The following BST1 variants were observed in gnomAD, a reference collection of about 807,000 sequenced individuals.
BST1 encodes the protein ADP-ribosyl cyclase/cyclic ADP-ribose hydrolase 2.
A neutral mutation model predicts 40.6 loss-of-function variants in BST1; 49 were observed. The ratio of observed to expected loss-of-function variants is 1.21; its 90% CI spans 0.96 to 1.53. The LOEUF (loss-of-function observed/expected upper bound fraction) is 1.53, where lower values mean the gene tolerates loss of function less well. BST1 is among the 40% of genes most tolerant of loss of function. The pLI, the probability that BST1 is intolerant of heterozygous loss-of-function variation, is 0.00. For missense variants in BST1, 423 were observed against 395.9 expected, an observed-to-expected ratio of 1.07 and a Z score of -0.58; for synonymous variants, 157 against 159.3, an observed-to-expected ratio of 0.99 and a Z score of 0.11.
the BST1 span, among the ~76,000 whole-genome samples, chr4:15,766,750 G>C: frequency 7.1e-6 from 1 of 140,924 alleles, no homozygotes; most frequent in African/African-American, 2.7e-5. Flanking sequence ...CCTGACTTGA[G>C]GAGGCACAAA....
chr4:15,741,363 T>C (rs6852450), downstream of BST1, among the ~76,000 whole-genome samples: 72,813 of 151,906 alleles, frequency 0.48, 18,911 homozygotes, highest in Middle Eastern at 0.64. Context: ...ATTATAGAAG[T>C]GCTTCCTGAT....
the BST1 span, among the ~76,000 whole-genome samples, chr4:15,764,594 T>C: frequency 6.6e-6 from 1 of 152,002 alleles, no homozygotes. Flanking sequence ...TGTGCTATGA[T>C]GGGCTTAATT....
downstream of BST1, among the ~76,000 whole-genome samples, chr4:15,739,806 G>A (rs1050364712): frequency 1.4e-4 from 22 of 152,086 alleles, no homozygotes; most frequent in African/African-American, 5.3e-4. Context: ...AATATAATCA[G>A]AGTGAAGTCA....
the BST1 span, among the ~76,000 whole-genome samples, chr4:15,764,807 T>G: frequency 1.8e-4 from 28 of 151,946 alleles, no homozygotes; most frequent in Middle Eastern, 3.4e-3. Context: ...CCACAGTGAT[T>G]GGCTCATAAA....
At chr4:15,704,454 A>ATG (rs1231238474) in intron 1 of BST1, among the ~76,000 whole-genome samples, 109 of 128,876 alleles carry the variant, frequency 8.5e-4, no homozygotes, top group African/African-American at 3.1e-3. Flanking sequence ...TAGAGGTGAG[A>ATG]TGTGTGTGTG....
downstream of BST1, among the ~76,000 whole-genome samples, chr4:15,739,257 A>G (rs2286879): frequency 0.3 from 45,260 of 152,112 alleles, 7,328 homozygotes; most frequent in East Asian, 0.63. Context: ...ATTACTCATT[A>G]CTTGAAGTCT....
At chr4:15,746,333 G>T in the BST1 span, among the ~76,000 whole-genome samples, 1 of 152,294 alleles carries the variant, frequency 6.6e-6, no homozygotes, top group East Asian at 1.9e-4. Flanking sequence ...CATTACACTT[G>T]TGTCTTAGTT....
the BST1 span, among the ~76,000 whole-genome samples, chr4:15,758,833 G>A: frequency 6.6e-6 from 1 of 152,110 alleles, no homozygotes; most frequent in Non-Finnish European, 1.5e-5. Context: ...TATGTATAAA[G>A]TATTTGGCGT....
intron 8 of BST1, among the ~76,000 whole-genome samples, chr4:15,724,280 C>T (rs138408963): frequency 2.4e-3 from 368 of 152,332 alleles, no homozygotes; most frequent in African/African-American, 8.4e-3. Context: ...CTGTAGGATC[C>T]GTTCTTCCAT....
At chr4:15,719,891 C>T in intron 7 of BST1, among the ~76,000 whole-genome samples, 1 of 152,186 alleles carries the variant, frequency 6.6e-6, no homozygotes, top group South Asian at 2.1e-4. Context: ...TTATCTGTAC[C>T]TTTTACTCAT....
the BST1 span, among the ~76,000 whole-genome samples, chr4:15,757,506 CCG>C: frequency 4.0e-3 from 607 of 152,094 alleles, 8 homozygotes; most frequent in African/African-American, 0.014. Flanking sequence ...CACCCCCACC[CCG>C]CCCCGCAGAC....
chr4:15,710,285 T>A (rs1720120043), intron 3 of BST1, among the ~76,000 whole-genome samples: 2 of 152,228 alleles, frequency 1.3e-5, no homozygotes, highest in South Asian at 4.1e-4. Context: ...TTTTTTTAAT[T>A]TTAATTTTAA....
At chr4:15,709,760 G>T (rs1176262517) in intron 3 of BST1, among the ~76,000 whole-genome samples, 1 of 152,048 alleles carries the variant, frequency 6.6e-6, no homozygotes, top group African/African-American at 2.4e-5. Flanking sequence ...CAATGGTGAT[G>T]GGGTTTTTTA....
chr4:15,747,422 C>T, the BST1 span, among the ~76,000 whole-genome samples: 1 of 152,152 alleles, frequency 6.6e-6, no homozygotes, highest in Non-Finnish European at 1.5e-5. Context: ...TACTAGGAAT[C>T]CCAGTCCCAT....
chr4:15,772,957 T>A, the BST1 span, among the ~76,000 whole-genome samples: 34,209 of 152,022 alleles, frequency 0.23, 4,154 homozygotes, highest in African/African-American at 0.29. Context: ...GCTTGTCATG[T>A]CCAGAGCAAG....
At chr4:15,739,067 T>C (rs922135791), downstream of BST1, among the ~76,000 whole-genome samples, 1 of 152,216 alleles carries the variant, frequency 6.6e-6, no homozygotes, top group African/African-American at 2.4e-5. Context: ...AGCCTTACTC[T>C]TCTCAGGAGA....
intron 3 of BST1, among the ~76,000 whole-genome samples, chr4:15,707,970 C>G (rs1719991287): frequency 6.6e-6 from 1 of 151,450 alleles, no homozygotes; most frequent in Non-Finnish European, 1.5e-5. Context: ...CTCATGGGAT[C>G]CTATCATAAT....
At chr4:15,737,818 T>G in exon 7 of BST1, 1 of 1,286,464 alleles carries the variant, frequency 7.8e-7, no homozygotes. Context: ...GGGAAGATAC[T>G]GACTGTCAGA....
intron 8 of BST1, 138 bp from the exon 9 acceptor site, chr4:15,731,598 CGGGG>C: frequency 8.4e-7 from 1 of 1,188,714 alleles, no homozygotes; most frequent in Non-Finnish European, 1.2e-6. Context: ...CCGCCTCCTA[CGGGG>C]TGTCACGGGA....
Sources: allele counts gnomAD v4.1 joint callset (sites outside exome capture counted in the v4.1 genomes callset), GRCh38; gene constraint gnomAD v4.1.1; transcripts MANE v1.5; gene names NCBI Gene and HGNC (gene_info 2026-07-23, HGNC 2026-07-21).